TEAD1: variants seen among roughly 807,000 people sequenced by gnomAD.
TEAD1 encodes the protein TEA domain transcription factor 1.
In TEAD1, 9 loss-of-function variants were observed where a neutral mutation model predicts 54.9. That is an observed-to-expected ratio of 0.16 (90% CI 0.10 to 0.29). The LOEUF is 0.29. Among genes scored for constraint, TEAD1 ranks in the 10% least tolerant of loss-of-function variants. TEAD1 has a pLI of 1.00. For missense variants in TEAD1, 387 were observed against 535.9 expected (o/e 0.72, Z 2.74); for synonymous variants, 200 against 187.8 (o/e 1.07, Z -0.53).
At chr11:12,919,101 T>G (rs918480214) in intron 10 of TEAD1, among the ~76,000 whole-genome samples, 1 of 152,226 alleles carries the variant, frequency 6.6e-6, no homozygotes, top group African/African-American at 2.4e-5. Flanking sequence ...CTTTTCTGAA[T>G]GTATATTTTA....
At chr11:12,734,423 T>A (rs1281438852) in intron 2 of TEAD1, among the ~76,000 whole-genome samples, 1 of 152,024 alleles carries the variant, frequency 6.6e-6, no homozygotes, top group Non-Finnish European at 1.5e-5. Flanking sequence ...TGAAAAAAAA[T>A]TAAAAATAAA....
At chr11:12,813,839 T>C (rs1946357078) in intron 3 of TEAD1, among the ~76,000 whole-genome samples, 1 of 152,124 alleles carries the variant, frequency 6.6e-6, no homozygotes, top group Non-Finnish European at 1.5e-5. Context: ...TGTTTGGATT[T>C]AGCTGGGGTG....
At position 12,938,843 on chromosome 11, in the gene TEAD1, T is replaced by C. The variant is rs1949133475; in HGVS notation, c.*1621T>C. The C allele has an allele frequency of 6.6e-6, 1 of 152,256 alleles. No individual in the cohort carries two copies. Among genetic ancestry groups the C allele is most frequent in the African/African-American group, 2.4e-5 (1 of 41,468 alleles). The allele number at this position is 152,256 out of a possible 1,614,324, so 9.4% of individuals were successfully genotyped here. ...CAAAGAAATATGTTTTTGTAAGTGGTAGGAACATGTGCACACAATAGAACA... is the reference window on the plus strand; with the variant it reads ...CAAAGAAATATGTTTTTGTAAGTGGCAGGAACATGTGCACACAATAGAACA... On this transcript the variant is annotated 3_prime_UTR_variant, in exon 13 of 13. Transcript: ENST00000527636.
intron 3 of TEAD1, among the ~76,000 whole-genome samples, chr11:12,802,151 A>G (rs915441094): frequency 5.3e-5 from 8 of 152,342 alleles, no homozygotes; most frequent in African/African-American, 1.9e-4. Context: ...CATTCAGAAC[A>G]GAGCATTTCA....
chr11:12,768,766 G>A (rs1437591394), intron 3 of TEAD1, among the ~76,000 whole-genome samples: 1 of 152,196 alleles, frequency 6.6e-6, no homozygotes, highest in Non-Finnish European at 1.5e-5. Context: ...CATGGTCCCT[G>A]CCCTCATGGA....
chr11:12,737,138 C>G (rs1409165617), intron 2 of TEAD1, among the ~76,000 whole-genome samples: 2 of 152,060 alleles, frequency 1.3e-5, no homozygotes, highest in African/African-American at 4.8e-5. Context: ...CTCTTGTTTT[C>G]AGATGAGGAG....
chr11:12,777,957 G>A (rs1228800290), intron 3 of TEAD1, among the ~76,000 whole-genome samples: 1 of 152,208 alleles, frequency 6.6e-6, no homozygotes, highest in East Asian at 1.9e-4. Flanking sequence ...GACCAGGGCA[G>A]GTGATGTGAC....
At chr11:12,897,731 A>T (rs78681166) in intron 9 of TEAD1, among the ~76,000 whole-genome samples, 6,186 of 152,264 alleles carry the variant, frequency 0.041, 181 homozygotes, top group East Asian at 0.13. Flanking sequence ...ACTCTATCTG[A>T]TGCATTTGTG....
chr11:12,728,232 C>T (rs1364522928), intron 2 of TEAD1, among the ~76,000 whole-genome samples: 2 of 152,162 alleles, frequency 1.3e-5, no homozygotes, highest in Admixed American at 1.3e-4. Context: ...TTGTAGCTGC[C>T]TGGAGTGCAC....
chr11:12,781,077 T>A (rs952384802), intron 3 of TEAD1, among the ~76,000 whole-genome samples: 1 of 152,208 alleles, frequency 6.6e-6, no homozygotes, highest in Admixed American at 6.5e-5. Flanking sequence ...TTTCAACAGA[T>A]ATACCAAGAC....
intron 3 of TEAD1, among the ~76,000 whole-genome samples, chr11:12,767,226 C>T (rs1262038812): frequency 6.6e-6 from 1 of 152,194 alleles, no homozygotes; most frequent in East Asian, 1.9e-4. Context: ...GAGCTACTGT[C>T]CTGGGCTTTT....
intron 9 of TEAD1, among the ~76,000 whole-genome samples, chr11:12,890,172 C>G (rs147235874): frequency 1.3e-5 from 2 of 152,310 alleles, no homozygotes; most frequent in East Asian, 3.9e-4. Context: ...CCTCCAAAAA[C>G]GGTGACTGTG....
At chr11:12,750,179 A>G (rs1944839224) in intron 2 of TEAD1, among the ~76,000 whole-genome samples, 1 of 152,204 alleles carries the variant, frequency 6.6e-6, no homozygotes. Context: ...GGCCAAATGC[A>G]GACGCATGTC....
intron 12 of TEAD1, among the ~76,000 whole-genome samples, chr11:12,931,090 AC>A (rs1949003847): frequency 1.3e-5 from 2 of 152,170 alleles, no homozygotes; most frequent in African/African-American, 4.8e-5. Flanking sequence ...ACATAGTGAC[AC>A]CCTATCTCAA....
intron 2 of TEAD1, among the ~76,000 whole-genome samples, chr11:12,762,367 A>G (rs1311224436): frequency 3.8e-5 from 5 of 132,998 alleles, no homozygotes; most frequent in Non-Finnish European, 5.3e-5. Flanking sequence ...TGAATTTCAT[A>G]AGACTCTTAG....
intron 5 of TEAD1, among the ~76,000 whole-genome samples, chr11:12,869,532 A>G (rs1947695439): frequency 6.6e-6 from 1 of 152,218 alleles, no homozygotes; most frequent in Non-Finnish European, 1.5e-5. Flanking sequence ...CAACTTATTA[A>G]AATTGGGTTC....
chr11:12,860,446 G>T (rs1947476271), intron 3 of TEAD1, among the ~76,000 whole-genome samples: 1 of 152,208 alleles, frequency 6.6e-6, no homozygotes, highest in African/African-American at 2.4e-5. Flanking sequence ...AGCACTGGCA[G>T]GTGGTGGACA....
chr11:12,940,810 T>G lies in TEAD1; in HGVS notation c.*3588T>G, dbSNP rs1949155435. On this transcript the variant is annotated 3_prime_UTR_variant, in exon 13 of 13. Coordinates refer to ENST00000527636, the MANE Select transcript of TEAD1 (RefSeq NM_021961.6). ...TATTTCCTCTGGGCTTCTTCTAGTT[T>G]CTGCCTTACAAGCAATGCTGTTCTG... The G allele has an allele frequency of 6.6e-6, 1 of 152,266 alleles. No individual in the cohort carries two copies. Among genetic ancestry groups the G allele is most frequent in the African/African-American group, 2.4e-5 (1 of 41,478 alleles). The allele number at this position is 152,266 out of a possible 1,614,324, so 9.4% of individuals were successfully genotyped here. A position where few individuals can be genotyped will look rare whatever the true frequency, so the allele number is the denominator to read the frequency against.
chr11:12,843,553 A>G (rs1241495986), intron 3 of TEAD1, among the ~76,000 whole-genome samples: 1 of 152,248 alleles, frequency 6.6e-6, no homozygotes, highest in African/African-American at 2.4e-5. Flanking sequence ...TAAATTATAA[A>G]TGCTGCTGCT....
Sources: gnomAD v4.1 joint callset for allele counts (sites outside exome capture counted in the v4.1 genomes callset) on GRCh38, gnomAD v4.1.1 for gene constraint, MANE v1.5 for transcripts, NCBI Gene and HGNC (gene_info 2026-07-23, HGNC 2026-07-21) for gene names.